Variants in JDP2 observed in about 807,000 individuals in gnomAD.
JDP2 encodes Jun dimerization protein 2, also known as progesterone receptor co-activator.
JDP2 carries 9 observed loss-of-function variants against 17.1 expected under a neutral mutation model. The observed-to-expected ratio is 0.53, with a 90% CI of 0.32 to 0.92. The LOEUF is 0.92. Ranked by LOEUF, JDP2 falls within the 40% of genes least tolerant of loss-of-function variation. JDP2 has a pLI of 0.04. For missense variants in JDP2, 179 were observed against 220.0 expected, an observed-to-expected ratio of 0.81 and a Z score of 1.18; for synonymous variants, 107 against 95.6, an observed-to-expected ratio of 1.12 and a Z score of -0.69.
chr14:75,443,931 C>T (rs547800093), intron 2 of JDP2, among the ~76,000 whole-genome samples: 2 of 150,790 alleles, frequency 1.3e-5, no homozygotes, highest in African/African-American at 4.9e-5. Context: ...GAGACAGATT[C>T]TCACTCTGTT....
intron 2 of JDP2, among the ~76,000 whole-genome samples, chr14:75,456,269 T>C (rs1209620512): frequency 1.3e-5 from 2 of 152,224 alleles, no homozygotes; most frequent in African/African-American, 4.8e-5. Flanking sequence ...TGCCGTTGGC[T>C]TCTGTCCACA....
At chr14:75,462,288 G>T (rs1301278036) in intron 3 of JDP2, among the ~76,000 whole-genome samples, 1 of 152,184 alleles carries the variant, frequency 6.6e-6, no homozygotes, top group African/African-American at 2.4e-5. Flanking sequence ...GGAGTCTCTG[G>T]TCTTTCCACC....
intron 2 of JDP2, among the ~76,000 whole-genome samples, chr14:75,456,609 C>T (rs1360777162): frequency 6.6e-6 from 1 of 152,174 alleles, no homozygotes. Context: ...CTCCCTGACC[C>T]CGTCTTGGAG....
chr14:75,446,842 A>G (rs1885623462), intron 2 of JDP2, among the ~76,000 whole-genome samples: 1 of 152,226 alleles, frequency 6.6e-6, no homozygotes, highest in Non-Finnish European at 1.5e-5. Context: ...GCTTTTAAAA[A>G]TGGAGAATAA....
intron 2 of JDP2, among the ~76,000 whole-genome samples, chr14:75,459,126 A>C (rs571477175): frequency 1.3e-5 from 2 of 152,324 alleles, no homozygotes; most frequent in Admixed American, 6.5e-5. Context: ...AGGGGAGGAC[A>C]CAAGGCCTTG....
chr14:75,468,475 C>A (rs1047668619), intron 3 of JDP2, among the ~76,000 whole-genome samples: 3 of 152,248 alleles, frequency 2.0e-5, no homozygotes, highest in Admixed American at 2.0e-4. Flanking sequence ...ACTGTTCAAT[C>A]CCCCAAGCCT....
Position 75,470,945 on chromosome 14 carries a change from C to T in JDP2, c.*1470C>T, listed in dbSNP as rs61978942. 4 of 152,234 alleles carry T rather than the reference C, an allele frequency of 2.6e-5. No homozygotes were observed. Among genetic ancestry groups the T allele is most frequent in the African/African-American group, 7.2e-5 (3 of 41,444 alleles). The allele number at this position is 152,234 out of a possible 1,614,324, so 9.4% of individuals were successfully genotyped here. On this transcript the variant is annotated 3_prime_UTR_variant, in exon 4 of 4. Coordinates refer to ENST00000651602, the MANE Select transcript of JDP2 (RefSeq NM_001135048.2). ...TCTTCCCTTCTCACAAGAGCACAAACTAGGCACGATTCTTCTCATTTTACA... is the reference window on the plus strand; with the variant it reads ...TCTTCCCTTCTCACAAGAGCACAAATTAGGCACGATTCTTCTCATTTTACA...
At position 75,451,723 on chromosome 14, in the gene JDP2, T is replaced by G. The variant is rs556970744; in HGVS notation, c.202-9703T>G. On this transcript the variant is annotated intron_variant, in intron 2 of 3. Coordinates refer to ENST00000651602, the MANE Select transcript of JDP2 (RefSeq NM_001135048.2). Reference sequence around the variant, plus strand: ...GCATGGAAAATTCAGGAAAGAGGGATGATGCACAGTCAGGCAGAGCCTCCC... The same window carrying G: ...GCATGGAAAATTCAGGAAAGAGGGAGGATGCACAGTCAGGCAGAGCCTCCC... Among the ~76,000 whole-genome samples, 3 of 152,070 alleles carry G rather than the reference T, an allele frequency of 2.0e-5. No individual in the cohort carries two copies. In the East Asian group the frequency reaches 5.8e-4, roughly 29 times the overall value.
chr14:75,438,099 G>A lies in JDP2; in HGVS notation c.179G>A (p.Arg60Lys), dbSNP rs778148132. 6.2e-7 allele frequency: 1 copy of A among 1,611,158 alleles called. No homozygotes were observed. Among genetic ancestry groups the A allele is most frequent in the Admixed American group, 1.7e-5 (1 of 59,862 alleles). ...TTCCTGGAGGTGAAACTGGGCAAGA[G>A]GCCCCAGCCCGTGAAAAGTGAGGTG... is the stretch of plus-strand genomic sequence containing the variant. ...LHFLEVKLGK[R>K]PQPVKSELDE... Residue 60 changes from arginine (R) to lysine (K), a missense_variant, in exon 2 of 4, where the codon AGG becomes AAG. Arg to Lys is a conservative substitution (Grantham distance 26). Transcript: ENST00000651602.
chr14:75,457,288 C>T (rs1214540170), intron 2 of JDP2, among the ~76,000 whole-genome samples: 2 of 152,222 alleles, frequency 1.3e-5, no homozygotes, highest in African/African-American at 4.8e-5. Flanking sequence ...ATTCAAGAAG[C>T]ACCAGGAAGG....
intron 2 of JDP2, chr14:75,445,109 T>G (rs1885534764): frequency 1.0e-6 from 1 of 985,286 alleles, no homozygotes; most frequent in Admixed American, 6.1e-5. Context: ...CAACATGGAC[T>G]CAGAGTTGGG....
At chr14:75,453,080 C>T (rs1318838473) in intron 2 of JDP2, among the ~76,000 whole-genome samples, 7 of 152,008 alleles carry the variant, frequency 4.6e-5, no homozygotes, top group Non-Finnish European at 5.9e-5. Flanking sequence ...TTCCTCATTC[C>T]TCCCTCCTGG....
At chr14:75,452,683 A>G (rs1885916036) in intron 2 of JDP2, among the ~76,000 whole-genome samples, 1 of 152,214 alleles carries the variant, frequency 6.6e-6, no homozygotes, top group South Asian at 2.1e-4. Flanking sequence ...AAGAATTAGC[A>G]GCACTGAGCC....
chr14:75,460,329 G>A (rs1886297997), intron 2 of JDP2, among the ~76,000 whole-genome samples: 1 of 152,206 alleles, frequency 6.6e-6, no homozygotes, highest in Non-Finnish European at 1.5e-5. Flanking sequence ...TGGGGGAAAG[G>A]ATTAAAGCCA....
At chr14:75,456,631 T>C (rs1017678673) in intron 2 of JDP2, among the ~76,000 whole-genome samples, 1 of 152,152 alleles carries the variant, frequency 6.6e-6, no homozygotes, top group Non-Finnish European at 1.5e-5. Context: ...TGAGTGGTTG[T>C]TTCTCTCTTG....
At chr14:75,457,213 G>T (rs1438678996) in intron 2 of JDP2, among the ~76,000 whole-genome samples, 2 of 152,366 alleles carry the variant, frequency 1.3e-5, no homozygotes, top group Non-Finnish European at 2.9e-5. Flanking sequence ...TCAGATGTCA[G>T]AGCCATGTGT....
At chr14:75,464,175 T>C (rs1886465123) in intron 3 of JDP2, among the ~76,000 whole-genome samples, 1 of 152,234 alleles carries the variant, frequency 6.6e-6, no homozygotes, top group Non-Finnish European at 1.5e-5. Context: ...AGGGCATGAA[T>C]GCAGGCGGCT....
intron 1 of JDP2, among the ~76,000 whole-genome samples, chr14:75,429,211 A>G (rs1884676137): frequency 6.6e-6 from 1 of 151,490 alleles, no homozygotes; most frequent in South Asian, 2.1e-4. Flanking sequence ...AAATCAGCCG[A>G]CCCCCTTGGG....
intron 3 of JDP2, among the ~76,000 whole-genome samples, chr14:75,463,153 A>C (rs1177389781): frequency 1.3e-5 from 2 of 152,276 alleles, no homozygotes. Flanking sequence ...ACACCAGTGC[A>C]ATAAAGAGTT....
Sources: gnomAD v4.1 joint callset for allele counts (sites outside exome capture counted in the v4.1 genomes callset) on GRCh38, gnomAD v4.1.1 for gene constraint, MANE v1.5 for transcripts, NCBI Gene and HGNC (gene_info 2026-07-23, HGNC 2026-07-21) for gene names.